The following PRKCB variants were observed in gnomAD, a reference collection of about 807,000 sequenced individuals.
PRKCB encodes protein kinase C beta.
In PRKCB, 13 loss-of-function variants were observed where a neutral mutation model predicts 81.5. The ratio of observed to expected loss-of-function variants is 0.16; its 90% CI spans 0.10 to 0.25. The LOEUF (loss-of-function observed/expected upper bound fraction) is 0.25. Among genes scored for constraint, PRKCB ranks in the 10% least tolerant of loss-of-function variants. The probability of loss-of-function intolerance (pLI) is 1.00; values close to 1 mark genes in which losing one functional copy is unlikely to be tolerated. For missense variants in PRKCB, 509 were observed against 875.7 expected (o/e 0.58, Z 5.29); for synonymous variants, 335 against 321.4 (o/e 1.04, Z -0.45).
Position 23,870,088 on chromosome 16 carries a change from A to G in PRKCB, c.205+32682A>G, listed in dbSNP as rs183171604. 1.2e-4 allele frequency among the ~76,000 whole-genome samples: 19 copies of G among 152,314 alleles called. 1 individual carries two copies. The highest frequency in any genetic ancestry group is 8.5e-4 in the Admixed American group (13 of 15,290). On this transcript the variant is annotated intron_variant, in intron 2 of 16. Coordinates refer to ENST00000643927, the MANE Select transcript of PRKCB (RefSeq NM_002738.7). Reference sequence around the variant, plus strand: ...TAGCTAGGTACTGTTGGCAGACAAGAATCTGATTTTGAAATATCGTCTCTC... The same window carrying G: ...TAGCTAGGTACTGTTGGCAGACAAGGATCTGATTTTGAAATATCGTCTCTC...
chr16:24,152,674 C>T (rs1967097395), intron 9 of PRKCB, among the ~76,000 whole-genome samples: 1 of 152,102 alleles, frequency 6.6e-6, no homozygotes, highest in Admixed American at 6.6e-5. Flanking sequence ...TCCCTTGAGT[C>T]ATTGTTTCTG....
At chr16:24,058,918 ATAC>A (rs879491834) in intron 5 of PRKCB, among the ~76,000 whole-genome samples, 47,342 of 151,512 alleles carry the variant, frequency 0.31, 8,838 homozygotes, top group African/African-American at 0.52. Context: ...GAGATGAAAC[ATAC>A]ATGAATTAAG....
chr16:23,889,952 T>C (rs1223540819), intron 2 of PRKCB, among the ~76,000 whole-genome samples: 1 of 152,196 alleles, frequency 6.6e-6, no homozygotes, highest in Non-Finnish European at 1.5e-5. Flanking sequence ...TGGAGTTTCC[T>C]CCCAAAATTT....
At chr16:24,045,835 A>G (rs1300552343) in intron 5 of PRKCB, among the ~76,000 whole-genome samples, 1 of 152,234 alleles carries the variant, frequency 6.6e-6, no homozygotes, top group Non-Finnish European at 1.5e-5. Context: ...GACGGGAAGA[A>G]TGTGTCTTTT....
chr16:23,836,454 G>A (rs1962159773), intron 1 of PRKCB, 106 bp downstream of exon 1: 2 of 1,449,772 alleles, frequency 1.4e-6, no homozygotes, highest in Admixed American at 2.5e-5. Context: ...CGCACCCTGG[G>A]ACCCCGCGTC....
chr16:24,116,813 A>T (rs1446481058), intron 8 of PRKCB, among the ~76,000 whole-genome samples: 1 of 152,216 alleles, frequency 6.6e-6, no homozygotes, highest in Non-Finnish European at 1.5e-5. Context: ...GAAAAACACA[A>T]GGCCAGTATT....
intron 2 of PRKCB, among the ~76,000 whole-genome samples, chr16:23,870,323 T>TG (rs1274188129): frequency 2.6e-5 from 4 of 152,186 alleles, no homozygotes; most frequent in Admixed American, 6.5e-5. Flanking sequence ...TTCATTACAA[T>TG]GGGGGGTGTC....
At chr16:24,063,860 A>G (rs1966002225) in intron 5 of PRKCB, among the ~76,000 whole-genome samples, 1 of 152,196 alleles carries the variant, frequency 6.6e-6, no homozygotes, top group Non-Finnish European at 1.5e-5. Flanking sequence ...GCAAAAAGCT[A>G]ATAGCCTCCT....
intron 2 of PRKCB, chr16:23,963,080 C>T (rs1412617928): frequency 6.6e-6 from 1 of 152,208 alleles, no homozygotes; most frequent in Non-Finnish European, 1.5e-5. Context: ...TTATTTCGTT[C>T]CGTTTTATGG....
intron 5 of PRKCB, among the ~76,000 whole-genome samples, chr16:24,088,401 G>A (rs1478105205): frequency 6.6e-6 from 1 of 152,104 alleles, no homozygotes; most frequent in African/African-American, 2.4e-5. Context: ...AGTGAGTAAT[G>A]TTTGGCTCTG....
At chr16:24,174,727 G>C (rs1967501822) in intron 12 of PRKCB, 147 bp downstream of exon 12, 1 of 730,028 alleles carries the variant, frequency 1.4e-6, no homozygotes, top group Non-Finnish European at 2.2e-6. Flanking sequence ...CTGCCAGGCA[G>C]CATCGCCCAC....
intron 10 of PRKCB, among the ~76,000 whole-genome samples, chr16:24,161,089 A>C (rs1205087152): frequency 6.6e-6 from 1 of 152,238 alleles, no homozygotes; most frequent in East Asian, 1.9e-4. Context: ...AGAATTTTAA[A>C]GATAAAAGAT....
chr16:23,969,517 C>T (rs972448739), intron 2 of PRKCB, among the ~76,000 whole-genome samples: 4 of 152,104 alleles, frequency 2.6e-5, no homozygotes, highest in Admixed American at 2.6e-4. Context: ...CTTTTCATGC[C>T]TTATTTTCTC....
intron 10 of PRKCB, among the ~76,000 whole-genome samples, chr16:24,156,550 C>T (rs1196857890): frequency 2.6e-5 from 4 of 152,172 alleles, no homozygotes. Context: ...GCTGGGATTA[C>T]AGGCATGAGT....
intron 2 of PRKCB, among the ~76,000 whole-genome samples, chr16:23,841,355 C>T (rs866171172): frequency 5.3e-5 from 8 of 152,158 alleles, no homozygotes; most frequent in Admixed American, 2.0e-4. Context: ...GTTCAGATTA[C>T]AGGCATGAGC....
In PRKCB at chr16:24,196,359, T is replaced by G. The variant is rs117376306; in HGVS notation, c.1863+5129T>G. 7.5e-3 allele frequency among the ~76,000 whole-genome samples: 1,145 copies of G among 152,318 alleles called. 6 individuals carry two copies. The highest frequency in any genetic ancestry group is 0.011 in the Non-Finnish European group (768 of 68,024). ...AGCAGGGTATCGCAAATAAATTGGT[T>G]GTTGTGTAAGTTACTACCCTATTTA... On this transcript the variant is annotated intron_variant, in intron 16 of 16. Transcript: ENST00000643927.
At chr16:24,133,923 T>C (rs1966857439) in intron 9 of PRKCB, among the ~76,000 whole-genome samples, 2 of 145,890 alleles carry the variant, frequency 1.4e-5, no homozygotes. Context: ...TTGACAAGAG[T>C]CTCACTCTGT....
chr16:23,884,784 T>C (rs1220191943), intron 2 of PRKCB, among the ~76,000 whole-genome samples: 1 of 152,122 alleles, frequency 6.6e-6, no homozygotes, highest in Non-Finnish European at 1.5e-5. Context: ...CAAGCAGTCC[T>C]CCCACCTCAG....
At chr16:24,138,591 T>A (rs1260915543) in intron 9 of PRKCB, among the ~76,000 whole-genome samples, 1 of 152,188 alleles carries the variant, frequency 6.6e-6, no homozygotes, top group Non-Finnish European at 1.5e-5. Context: ...TTTGTGAGTG[T>A]GAGTGGTGAG....
Sources: allele counts gnomAD v4.1 joint callset (sites outside exome capture counted in the v4.1 genomes callset), GRCh38; gene constraint gnomAD v4.1.1; transcripts MANE v1.5; gene names NCBI Gene and HGNC (gene_info 2026-07-23, HGNC 2026-07-21).